Variants in EYS observed in about 807,000 individuals in gnomAD.
The protein encoded by EYS is protein eyes shut homolog.
EYS carries 250 observed loss-of-function variants against 282.1 expected under a neutral mutation model. The ratio of observed to expected loss-of-function variants is 0.89; its 90% confidence interval spans 0.80 to 0.98. The LOEUF is 0.98. Among genes scored for constraint, EYS ranks in the 50% least tolerant of loss-of-function variants. EYS has a pLI of 0.00. For synonymous variants in EYS, 1,355 were observed against 1,282.9 expected, an observed-to-expected ratio of 1.06 and a Z score of -1.20; for missense variants, 4,016 against 3,709.0, an observed-to-expected ratio of 1.08 and a Z score of -2.15.
rs569306655 is a variant in EYS at position 65,616,735 on chromosome 6, G to A, written c.-333+23043C>T. Among the ~76,000 whole-genome samples, 144 of 151,000 alleles carry A rather than the reference G, an allele frequency of 9.5e-4. 1 individual carries two copies. The highest frequency in any genetic ancestry group is 2.3e-3 in the African/African-American group (93 of 40,970). Reference sequence around the variant, plus strand: ...CGGGAGGTCAAGGTTGCAGTGAGCCGAGATAACGCCACTGCACTCCAGCCT... The same window carrying A: ...CGGGAGGTCAAGGTTGCAGTGAGCCAAGATAACGCCACTGCACTCCAGCCT... On this transcript the variant is annotated intron_variant, in intron 2 of 42. Coordinates refer to ENST00000503581, the MANE Select transcript of EYS (RefSeq NM_001142800.2).
intron 41 of EYS, among the ~76,000 whole-genome samples, chr6:63,761,416 A>G (rs1021263817): frequency 6.6e-6 from 1 of 152,062 alleles, no homozygotes; most frequent in Non-Finnish European, 1.5e-5. Context: ...ATAAACTACT[A>G]TTATTCTAAC....
At chr6:64,651,836 T>C (rs1768573155) in intron 22 of EYS, among the ~76,000 whole-genome samples, 1 of 152,148 alleles carries the variant, frequency 6.6e-6, no homozygotes, top group Non-Finnish European at 1.5e-5. Flanking sequence ...TAACTCAATG[T>C]TTTCTCTTAT....
chr6:64,332,306 G>A (rs1740176962), intron 29 of EYS, among the ~76,000 whole-genome samples: 2 of 152,148 alleles, frequency 1.3e-5, no homozygotes, highest in African/African-American at 4.8e-5. Context: ...AAATAAATTG[G>A]GGAATTAACC....
chr6:64,261,712 T>C lies in EYS; in HGVS notation c.6192-30888A>G, dbSNP rs143015451. Among the ~76,000 whole-genome samples the C allele has an allele frequency of 5.2e-3, 792 of 152,182 alleles. 8 individuals carry two copies. Among genetic ancestry groups the C allele is most frequent in the South Asian group, 0.019 (91 of 4,826 alleles). ...ATGAACTACATTGTTTTGGCATATA[T>C]TGAGATGTTGCTATCTGTTATACTT... On this transcript the variant is annotated intron_variant, in intron 30 of 42. Transcript: ENST00000503581.
intron 5 of EYS, among the ~76,000 whole-genome samples, chr6:65,481,693 T>C (rs1301643563): frequency 1.3e-5 from 2 of 152,040 alleles, no homozygotes; most frequent in Non-Finnish European, 2.9e-5. Flanking sequence ...GGACTACAGG[T>C]GCCCGCCACC....
chr6:65,455,191 A>G (rs1764555612), intron 5 of EYS, among the ~76,000 whole-genome samples: 1 of 152,094 alleles, frequency 6.6e-6, no homozygotes, highest in African/African-American at 2.4e-5. Flanking sequence ...AAAATTTTAT[A>G]CTTTTCAGTT....
intron 2 of EYS, among the ~76,000 whole-genome samples, chr6:65,497,351 T>C (rs1490968397): frequency 2.0e-5 from 3 of 152,042 alleles, no homozygotes; most frequent in Admixed American, 6.6e-5. Flanking sequence ...CAAGGACATT[T>C]AGTCCAATCC....
At chr6:63,849,050 C>A (rs1333787957) in intron 36 of EYS, among the ~76,000 whole-genome samples, 3 of 152,220 alleles carry the variant, frequency 2.0e-5, no homozygotes, top group Non-Finnish European at 4.4e-5. Flanking sequence ...TTTCCCCTCA[C>A]AGTGTAAACA....
intron 41 of EYS, among the ~76,000 whole-genome samples, chr6:63,747,571 G>A (rs1047218130): frequency 2.0e-5 from 3 of 152,126 alleles, no homozygotes; most frequent in African/African-American, 7.2e-5. Context: ...TTATTATTGT[G>A]TGGGAGTCTG....
chr6:64,191,878 G>C (rs946373463), intron 31 of EYS, among the ~76,000 whole-genome samples: 14 of 150,854 alleles, frequency 9.3e-5, no homozygotes, highest in African/African-American at 9.8e-5. Flanking sequence ...GGTATTTCTA[G>C]TTCAAGATCC....
intron 26 of EYS, among the ~76,000 whole-genome samples, chr6:64,463,926 T>G: frequency 6.6e-6 from 1 of 152,198 alleles, no homozygotes; most frequent in East Asian, 1.9e-4. Context: ...TACTTCCAGA[T>G]TCATTGCGTG....
chr6:63,971,821 A>G (rs1766589676), intron 35 of EYS, among the ~76,000 whole-genome samples: 2 of 152,290 alleles, frequency 1.3e-5, no homozygotes, highest in East Asian at 1.9e-4. Flanking sequence ...TTGCATTTCA[A>G]TTGTATTTGT....
At chr6:64,848,388 C>A in intron 19 of EYS, among the ~76,000 whole-genome samples, 1 of 151,918 alleles carries the variant, frequency 6.6e-6, no homozygotes, top group East Asian at 1.9e-4. Flanking sequence ...AATAGGTAAA[C>A]AGCAATCATG....
chr6:65,375,047 C>A (rs1292132563), intron 8 of EYS, among the ~76,000 whole-genome samples: 5 of 152,156 alleles, frequency 3.3e-5, no homozygotes, highest in African/African-American at 1.2e-4. Flanking sequence ...GGATAGACTG[C>A]CTCCTCAAGT....
At chr6:64,853,729 G>A (rs1349646532) in intron 19 of EYS, among the ~76,000 whole-genome samples, 1 of 152,030 alleles carries the variant, frequency 6.6e-6, no homozygotes, top group African/African-American at 2.4e-5. Context: ...AAAAGCAATG[G>A]CAACAAAAGC....
intron 11 of EYS, chr6:65,332,534 C>T: frequency 1.2e-6 from 1 of 851,376 alleles, no homozygotes; most frequent in Middle Eastern, 3.5e-4. Context: ...TTTCATTGAT[C>T]TTAGTGGTAT....
intron 13 of EYS, among the ~76,000 whole-genome samples, chr6:65,034,681 C>G (rs1246016856): frequency 2.0e-5 from 3 of 152,044 alleles, no homozygotes; most frequent in Non-Finnish European, 2.9e-5. Context: ...GGTGCCAGCC[C>G]CATGCTTTCT....
chr6:64,583,051 T>C (rs1467628231), intron 26 of EYS, among the ~76,000 whole-genome samples: 2 of 152,120 alleles, frequency 1.3e-5, no homozygotes, highest in Non-Finnish European at 2.9e-5. Context: ...CATTATATAT[T>C]GTTACAAAAG....
At chr6:64,079,556 GT>G (rs1771888925) in intron 32 of EYS, among the ~76,000 whole-genome samples, 2 of 151,996 alleles carry the variant, frequency 1.3e-5, no homozygotes, top group Admixed American at 6.6e-5. Context: ...GGGGATAATT[GT>G]TTTTTATTTT....
Sources: allele counts gnomAD v4.1 joint callset (sites outside exome capture counted in the v4.1 genomes callset), GRCh38; gene constraint gnomAD v4.1.1; transcripts MANE v1.5; gene names NCBI Gene and HGNC (gene_info 2026-07-23, HGNC 2026-07-21).